The following ADAMTSL1 variants were observed in gnomAD, a reference collection of about 807,000 sequenced individuals.
ADAMTSL1 encodes ADAMTS like 1.
A neutral mutation model predicts 201.8 loss-of-function variants in ADAMTSL1; 126 were observed. The ratio of observed to expected loss-of-function variants is 0.62; its 90% CI spans 0.54 to 0.72. ADAMTSL1 has a LOEUF of 0.72. Ranked by LOEUF, ADAMTSL1 falls within the 30% of genes least tolerant of loss-of-function variation. The pLI is 0.00. For missense variants in ADAMTSL1, 2,679 were observed against 2,277.8 expected (o/e 1.18, Z -3.59); for synonymous variants, 1,121 against 903.4 (o/e 1.24, Z -4.32).
At chr9:18,025,842 T>C (rs1314805587) in intron 1 of ADAMTSL1, among the ~76,000 whole-genome samples, 2 of 151,960 alleles carry the variant, frequency 1.3e-5, no homozygotes, top group Non-Finnish European at 2.9e-5. Flanking sequence ...ATTGCTTTCG[T>C]TAGTATGACT....
At chr9:18,174,473 C>T (rs377247687) in intron 2 of ADAMTSL1, among the ~76,000 whole-genome samples, 3 of 152,158 alleles carry the variant, frequency 2.0e-5, no homozygotes, top group East Asian at 1.9e-4. Flanking sequence ...ATCATATGAT[C>T]AAAAGTCAGA....
At chr9:18,717,142 A>C (rs200247077) in intron 14 of ADAMTSL1, among the ~76,000 whole-genome samples, 1 of 150,902 alleles carries the variant, frequency 6.6e-6, no homozygotes, top group South Asian at 2.1e-4. Flanking sequence ...GCCAGATGAC[A>C]AGTTAGTGGG....
At chr9:18,215,916 T>C (rs1239169914) in intron 2 of ADAMTSL1, among the ~76,000 whole-genome samples, 2 of 152,118 alleles carry the variant, frequency 1.3e-5, no homozygotes, top group Admixed American at 6.6e-5. Context: ...GAATTTTGGG[T>C]TGTCTTCTTT....
chr9:18,480,498 G>C (rs1821670038), intron 1 of ADAMTSL1, among the ~76,000 whole-genome samples: 1 of 152,192 alleles, frequency 6.6e-6, no homozygotes, highest in South Asian at 2.1e-4. Flanking sequence ...CAGCCCCTCA[G>C]TGTCACTCTC....
chr9:18,648,675 G>T (rs1827983812), intron 7 of ADAMTSL1, among the ~76,000 whole-genome samples: 2 of 151,972 alleles, frequency 1.3e-5, no homozygotes, highest in South Asian at 4.2e-4. Flanking sequence ...ATGAAATTCT[G>T]GGTTGAAAAT....
chr9:18,549,274 C>G (rs1466080173), intron 3 of ADAMTSL1, among the ~76,000 whole-genome samples: 2 of 151,938 alleles, frequency 1.3e-5, no homozygotes. Flanking sequence ...AGACTAAAGG[C>G]TGAAACTTCT....
At chr9:17,995,226 A>G (rs1453878389) in intron 1 of ADAMTSL1, among the ~76,000 whole-genome samples, 1 of 152,128 alleles carries the variant, frequency 6.6e-6, no homozygotes, top group Non-Finnish European at 1.5e-5. Context: ...TTCTTCCTGA[A>G]GGGCAGAGAA....
intron 4 of ADAMTSL1, among the ~76,000 whole-genome samples, chr9:18,619,813 G>A (rs947608106): frequency 6.6e-6 from 1 of 152,070 alleles, no homozygotes; most frequent in Admixed American, 6.6e-5. Context: ...AGATTTGGAC[G>A]CCTGAGAGTG....
chr9:18,600,544 G>C (rs1469521313), intron 4 of ADAMTSL1, among the ~76,000 whole-genome samples: 1 of 152,102 alleles, frequency 6.6e-6, no homozygotes, highest in Admixed American at 6.5e-5. Flanking sequence ...CAAGAATTGG[G>C]GTCCCTACTT....
At chr9:18,883,292 C>G (rs915843833) in intron 23 of ADAMTSL1, among the ~76,000 whole-genome samples, 1 of 152,128 alleles carries the variant, frequency 6.6e-6, no homozygotes, top group Non-Finnish European at 1.5e-5. Flanking sequence ...TCTCATCTTC[C>G]TCTTGGGATC....
chr9:18,886,056 G>A (rs1232102305), intron 23 of ADAMTSL1, among the ~76,000 whole-genome samples: 1 of 151,292 alleles, frequency 6.6e-6, no homozygotes, highest in Non-Finnish European at 1.5e-5. Flanking sequence ...AGAGGCTGAG[G>A]CGAGCAGATC....
At chr9:18,390,951 A>G (rs1838021029) in intron 2 of ADAMTSL1, among the ~76,000 whole-genome samples, 1 of 152,166 alleles carries the variant, frequency 6.6e-6, no homozygotes, top group African/African-American at 2.4e-5. Context: ...GGAGGTGTTA[A>G]TTTGTTTATG....
chr9:17,968,316 T>C (rs1334581428), intron 1 of ADAMTSL1, among the ~76,000 whole-genome samples: 1 of 152,144 alleles, frequency 6.6e-6, no homozygotes, highest in Non-Finnish European at 1.5e-5. Flanking sequence ...GTTTTCTTCC[T>C]AAGTGTTACA....
chr9:18,711,073 T>A (rs1473845097), intron 14 of ADAMTSL1, among the ~76,000 whole-genome samples: 1 of 152,220 alleles, frequency 6.6e-6, no homozygotes, highest in Non-Finnish European at 1.5e-5. Flanking sequence ...ACAGTGATGA[T>A]CTACAGCTGC....
At chr9:18,653,648 G>A (rs988423260) in intron 7 of ADAMTSL1, among the ~76,000 whole-genome samples, 3 of 151,904 alleles carry the variant, frequency 2.0e-5, no homozygotes, top group African/African-American at 7.2e-5. Flanking sequence ...TCTGAGCTAG[G>A]GGCCTATGGG....
intron 19 of ADAMTSL1, among the ~76,000 whole-genome samples, chr9:18,781,002 G>A (rs999466996): frequency 3.3e-5 from 5 of 152,032 alleles, no homozygotes; most frequent in African/African-American, 1.2e-4. Context: ...CAATTTTTCG[G>A]CTTAGTAATC....
chr9:18,370,864 T>C (rs1328802566), intron 2 of ADAMTSL1, among the ~76,000 whole-genome samples: 1 of 152,142 alleles, frequency 6.6e-6, no homozygotes, highest in Non-Finnish European at 1.5e-5. Flanking sequence ...CAGGTGTTCA[T>C]CTCAAATTAT....
intron 1 of ADAMTSL1, among the ~76,000 whole-genome samples, chr9:17,924,672 T>C (rs1826449975): frequency 6.7e-6 from 1 of 148,898 alleles, no homozygotes; most frequent in Non-Finnish European, 1.5e-5. Context: ...TGAAACTGGA[T>C]CCCTTCCTTA....
intron 2 of ADAMTSL1, among the ~76,000 whole-genome samples, chr9:18,298,566 A>G (rs1191676818): frequency 3.3e-5 from 5 of 151,974 alleles, no homozygotes; most frequent in African/African-American, 1.2e-4. Flanking sequence ...TGTGTTATTC[A>G]GTGCTTATTG....
Sources: gnomAD v4.1 joint callset for allele counts (sites outside exome capture counted in the v4.1 genomes callset) on GRCh38, gnomAD v4.1.1 for gene constraint, MANE v1.5 for transcripts, NCBI Gene and HGNC (gene_info 2026-07-23, HGNC 2026-07-21) for gene names.